Variants in SHANK2 observed in about 807,000 individuals in gnomAD.
SHANK2 encodes the protein SH3 and multiple ankyrin repeat domains 2.
Under a neutral mutation model 133.7 loss-of-function variants are expected in SHANK2, and 43 were observed. The observed-to-expected ratio is 0.32, with a 90% CI of 0.25 to 0.41. The LOEUF (loss-of-function observed/expected upper bound fraction) is 0.41, where lower values mean the gene tolerates loss of function less well. Among genes scored for constraint, SHANK2 ranks in the 10% least tolerant of loss-of-function variants. The probability of loss-of-function intolerance (pLI) is 1.00; values close to 1 mark genes in which losing one functional copy is unlikely to be tolerated. For missense variants in SHANK2, 1,994 were observed against 2,235.8 expected (o/e 0.89, Z 2.18); for synonymous variants, 1,017 against 952.8 (o/e 1.07, Z -1.24).
chr11:71,089,570 C>T lies in SHANK2; in HGVS notation c.912+2852G>A, dbSNP rs909385961. ...GCTGCAGGCTGTGTATTCAGGACAC[C>T]GAGACACATGGCTGGGGCTCACACC... On this transcript the variant is annotated intron_variant, in intron 8 of 25. Coordinates refer to ENST00000601538, the MANE Select transcript of SHANK2 (RefSeq NM_012309.5). 3.3e-4 allele frequency among the ~76,000 whole-genome samples: 50 copies of T among 152,142 alleles called. 3 individuals are homozygous for T. In the South Asian group the frequency reaches 9.0e-3, roughly 27 times the overall value.
chr11:70,474,276 A>C (rs920855417), intron 25 of SHANK2: 2 of 152,458 alleles, frequency 1.3e-5, no homozygotes, highest in Non-Finnish European at 2.9e-5. Context: ...ACTGAAAAGC[A>C]GAACGCGTGA....
chr11:70,857,944 C>G (rs113258174), intron 11 of SHANK2, among the ~76,000 whole-genome samples: 22 of 152,288 alleles, frequency 1.4e-4, no homozygotes, highest in African/African-American at 5.1e-4. Context: ...TTCACTGCAG[C>G]CTCCACCCAC....
chr11:70,565,648 G>T (rs1264440342), intron 17 of SHANK2, among the ~76,000 whole-genome samples: 1 of 152,072 alleles, frequency 6.6e-6, no homozygotes, highest in Non-Finnish European at 1.5e-5. Context: ...GCAAGTATAG[G>T]GCTCATCCCA....
Position 70,772,335 on chromosome 11 carries a change from GAGGCT to G in SHANK2, c.1777+26103_1777+26107del, listed in dbSNP as rs1947268708. 3.3e-5 allele frequency among the ~76,000 whole-genome samples: 5 copies of G among 152,056 alleles called. 1 individual carries two copies. The South Asian group carries it at 1.0e-3, about 32-fold the overall frequency. On this transcript the variant is annotated intron_variant, in intron 14 of 25. Transcript: ENST00000601538. ...CGCGCCTGTAATCCTAGCTACTCGG[GAGGCT>G]GAGGCAGGAGAATCGCTTGAACCCA...
At chr11:70,580,921 CCCCACACTCCT>C (rs1565149185) in intron 17 of SHANK2, among the ~76,000 whole-genome samples, 2 of 152,210 alleles carry the variant, frequency 1.3e-5, no homozygotes. Context: ...TGGGTATACA[CCCCACACTCCT>C]CTGTCACTCT....
chr11:70,844,227 C>T (rs1948960195), intron 11 of SHANK2, among the ~76,000 whole-genome samples: 1 of 152,198 alleles, frequency 6.6e-6, no homozygotes, highest in African/African-American at 2.4e-5. Context: ...TAATACTCTG[C>T]TTAAAAAGAA....
At position 71,175,548 on chromosome 11, in the gene SHANK2, GAGGGAGAGAGAGAGA is replaced by G. The variant is rs1565496242; in HGVS notation, c.-12-28225_-12-28211del. On this transcript the variant is annotated intron_variant, in intron 2 of 25. Transcript: ENST00000601538. This position sits in a 1 kb window ranked among gnomAD's most constrained non-coding sequence, Gnocchi z 4.2. ...AGACAGACAGACAGAGGGAGAGGGA[GAGGGAGAGAGAGAGA>G]GAGAGAGAGAGAGAGAGAGAGAGAG... Among the ~76,000 whole-genome samples, 17 of 12,706 alleles carry G rather than the reference GAGGGAGAGAGAGAGA, an allele frequency of 1.3e-3. No homozygotes were observed. Among genetic ancestry groups the G allele is most frequent in the South Asian group, 3.9e-3 (1 of 254 alleles). 8.3% of individuals were successfully genotyped at this position (12,706 alleles called of 152,430 possible). A position where few individuals can be genotyped will look rare whatever the true frequency, so the allele number is the denominator to read the frequency against.
At chr11:70,558,238 G>A (rs971870813) in intron 17 of SHANK2, among the ~76,000 whole-genome samples, 4 of 152,354 alleles carry the variant, frequency 2.6e-5, no homozygotes, top group Non-Finnish European at 4.4e-5. Flanking sequence ...CTGGGGCTTC[G>A]GTAGGAGCGT....
chr11:70,720,560 C>T (rs1233645324), intron 14 of SHANK2, among the ~76,000 whole-genome samples: 2 of 152,240 alleles, frequency 1.3e-5, no homozygotes, highest in Non-Finnish European at 2.9e-5. Context: ...TCATCCGTCA[C>T]ACCCCCATGG....
chr11:70,715,852 G>A (rs1945905300), intron 14 of SHANK2, among the ~76,000 whole-genome samples: 1 of 152,216 alleles, frequency 6.6e-6, no homozygotes, highest in Admixed American at 6.5e-5. Flanking sequence ...GCCCAGGGCT[G>A]GAGTCGCCAG....
intron 17 of SHANK2, among the ~76,000 whole-genome samples, chr11:70,658,655 T>C (rs2061442077): frequency 6.6e-6 from 1 of 152,210 alleles, no homozygotes; most frequent in African/African-American, 2.4e-5. Flanking sequence ...CATTGCCCCG[T>C]AATAGTCCTG....
At chr11:71,095,028 G>A (rs1011892876) in intron 6 of SHANK2, among the ~76,000 whole-genome samples, 2 of 152,230 alleles carry the variant, frequency 1.3e-5, no homozygotes, top group Non-Finnish European at 2.9e-5. Flanking sequence ...GGTGCTTCCC[G>A]TACAGAAGGA....
At chr11:71,095,366 T>C (rs1448649157) in intron 6 of SHANK2, among the ~76,000 whole-genome samples, 9 of 152,310 alleles carry the variant, frequency 5.9e-5, no homozygotes, top group Non-Finnish European at 1.3e-4. Context: ...TCAGTGTCTA[T>C]TACAACAAAT....
intron 25 of SHANK2, among the ~76,000 whole-genome samples, chr11:70,481,929 G>C (rs2058738279): frequency 6.7e-6 from 1 of 149,932 alleles, no homozygotes; most frequent in South Asian, 2.1e-4. Context: ...CACGGCAAGG[G>C]GGACAGCTCT....
In SHANK2 at chr11:70,783,741, GC is replaced by G. The variant is rs1478854315; in HGVS notation, c.1777+14701del. On this transcript the variant is annotated intron_variant, in intron 14 of 25. Coordinates refer to ENST00000601538, the MANE Select transcript of SHANK2 (RefSeq NM_012309.5). ...GGTCCACAGGGTTTGTTTTATAACT[GC>G]CCACTGGACGTGCGGTTGTTTTGTG... 2.6e-5 allele frequency among the ~76,000 whole-genome samples: 4 copies of G among 152,188 alleles called. No homozygotes were observed. In the East Asian group the frequency reaches 7.7e-4, roughly 29 times the overall value.
At chr11:70,887,764 C>T (rs577400035) in intron 11 of SHANK2, among the ~76,000 whole-genome samples, 2 of 152,286 alleles carry the variant, frequency 1.3e-5, no homozygotes, top group African/African-American at 4.8e-5. Flanking sequence ...AATTTACCCA[C>T]TTTGAAGCAC....
intron 14 of SHANK2, among the ~76,000 whole-genome samples, chr11:70,756,912 G>A (rs184426867): frequency 1.3e-5 from 2 of 152,096 alleles, no homozygotes; most frequent in South Asian, 2.1e-4. Flanking sequence ...GCAGACCCTG[G>A]GCTCAGACCC....
At chr11:70,724,977 C>T (rs1262678518) in intron 14 of SHANK2, among the ~76,000 whole-genome samples, 5 of 152,124 alleles carry the variant, frequency 3.3e-5, no homozygotes, top group South Asian at 2.1e-4. Context: ...AACCAAATGT[C>T]GGTCTAAAAG....
chr11:70,897,207 G>A (rs191315418), intron 10 of SHANK2, among the ~76,000 whole-genome samples: 2 of 152,146 alleles, frequency 1.3e-5, no homozygotes, highest in South Asian at 4.1e-4. Context: ...AGTATCCTAG[G>A]ATGGCCATGG....
Sources: gnomAD v4.1 joint callset for allele counts (sites outside exome capture counted in the v4.1 genomes callset) on GRCh38, gnomAD v4.1.1 for gene constraint, Gnocchi (gnomAD v3.1) non-coding constraint, MANE v1.5 for transcripts, NCBI Gene and HGNC (gene_info 2026-07-23, HGNC 2026-07-21) for gene names.